NDST3: variants seen among roughly 807,000 people sequenced by gnomAD.
NDST3 encodes bifunctional heparan sulfate N-deacetylase/N-sulfotransferase 3.
A neutral mutation model predicts 96.1 loss-of-function variants in NDST3; 58 were observed. That is an observed-to-expected ratio of 0.60 (90% CI 0.49 to 0.75). The LOEUF is 0.75. NDST3 is among the 30% of genes least tolerant of loss of function. NDST3 has a pLI of 0.00. For missense variants in NDST3, 788 were observed against 1,034.2 expected, an observed-to-expected ratio of 0.76 and a Z score of 3.27; for synonymous variants, 333 against 359.7, an observed-to-expected ratio of 0.93 and a Z score of 0.84.
intron 6 of NDST3, among the ~76,000 whole-genome samples, chr4:118,197,177 G>C (rs541720237): frequency 1.3e-5 from 2 of 151,990 alleles, no homozygotes; most frequent in Admixed American, 6.6e-5. Context: ...TTGATTTCTA[G>C]TTTTATTCCA....
Position 118,257,918 on chromosome 4 carries a change from T to C in NDST3, c.*2206T>C, listed in dbSNP as rs1358621589. ...CTCCACCAACTTAAGAAAACTGGCT[T>C]AGGAAGGTTAAACATGAGAATAGGC... On this transcript the variant is annotated 3_prime_UTR_variant, in exon 14 of 14. Transcript: ENST00000296499. 3.9e-5 allele frequency: 6 copies of C among 152,138 alleles called. No individual in the cohort carries two copies. Among genetic ancestry groups the C allele is most frequent in the Non-Finnish European group, 8.8e-5 (6 of 68,014 alleles). 9.4% of individuals were successfully genotyped at this position (152,138 alleles called of 1,614,324 possible).
At chr4:118,096,603 C>A (rs559088887) in intron 2 of NDST3, among the ~76,000 whole-genome samples, 3 of 151,852 alleles carry the variant, frequency 2.0e-5, no homozygotes, top group Non-Finnish European at 2.9e-5. Flanking sequence ...GACAGATAAT[C>A]TTCTATTGAT....
At position 118,103,887 on chromosome 4, in the gene NDST3, C is replaced by T. The variant is rs138472063; in HGVS notation, c.982-1131C>T. On this transcript the variant is annotated intron_variant, in intron 2 of 13. Coordinates refer to ENST00000296499, the MANE Select transcript of NDST3 (RefSeq NM_004784.3). ...CTAAATTTCAAAAACTTACCATTGG[C>T]TAGATGAGTCTAAATTTGAACCCAG... 2.7e-3 allele frequency among the ~76,000 whole-genome samples: 416 copies of T among 152,288 alleles called. 2 individuals carry two copies. Among genetic ancestry groups the T allele is most frequent in the Non-Finnish European group, 4.4e-3 (297 of 68,016 alleles).
chr4:118,134,008 T>C (rs926813682), intron 4 of NDST3, among the ~76,000 whole-genome samples: 2 of 152,218 alleles, frequency 1.3e-5, no homozygotes. Flanking sequence ...CTGTGTACTA[T>C]GAAAAACCAA....
At chr4:118,105,863 C>T (rs969065646) in intron 3 of NDST3, among the ~76,000 whole-genome samples, 2 of 152,136 alleles carry the variant, frequency 1.3e-5, no homozygotes, top group Admixed American at 1.3e-4. Flanking sequence ...ATGTGGCACA[C>T]TTATAATTAA....
chr4:118,247,755 CT>C (rs113236867), intron 12 of NDST3, among the ~76,000 whole-genome samples: 1 of 151,644 alleles, frequency 6.6e-6, no homozygotes, highest in Non-Finnish European at 1.5e-5. Flanking sequence ...TAAATAATAC[CT>C]TAAAAAAGTT....
At chr4:118,237,936 G>T (rs1163026301) in intron 10 of NDST3, among the ~76,000 whole-genome samples, 1 of 151,926 alleles carries the variant, frequency 6.6e-6, no homozygotes, top group African/African-American at 2.4e-5. Flanking sequence ...TTCAAGACCA[G>T]CCTGGGCAAC....
At chr4:118,078,877 T>C (rs1215865589) in intron 2 of NDST3, among the ~76,000 whole-genome samples, 2 of 152,170 alleles carry the variant, frequency 1.3e-5, no homozygotes, top group African/African-American at 2.4e-5. Flanking sequence ...ACTTACTTCA[T>C]AGCATGAAAG....
intron 6 of NDST3, among the ~76,000 whole-genome samples, chr4:118,146,541 TC>T (rs893155372): frequency 1.3e-4 from 20 of 151,876 alleles, no homozygotes; most frequent in African/African-American, 4.9e-4. Context: ...ACTGGAAAGA[TC>T]ACAGCAAAGG....
chr4:118,075,245 G>GGCT (rs1045122786), intron 2 of NDST3, among the ~76,000 whole-genome samples: 6 of 151,706 alleles, frequency 4.0e-5, no homozygotes, highest in Admixed American at 1.3e-4. Context: ...TATTTTTTAT[G>GGCT]GCATAGTATT....
intron 6 of NDST3, among the ~76,000 whole-genome samples, chr4:118,176,696 T>A (rs973046409): frequency 6.6e-6 from 1 of 152,092 alleles, no homozygotes; most frequent in African/African-American, 2.4e-5. Context: ...TTTATTAAAC[T>A]TCTAATATGA....
intron 2 of NDST3, among the ~76,000 whole-genome samples, chr4:118,092,080 T>C (rs566072383): frequency 1.9e-3 from 95 of 49,250 alleles, no homozygotes; most frequent in Non-Finnish European, 5.6e-3. Flanking sequence ...TTATTTATTA[T>C]ATTTTAAGTT....
At chr4:118,112,001 A>C (rs1166407368) in intron 3 of NDST3, among the ~76,000 whole-genome samples, 1 of 152,198 alleles carries the variant, frequency 6.6e-6, no homozygotes, top group Admixed American at 6.5e-5. Flanking sequence ...AATAAGCAAC[A>C]GACATTTGTT....
At chr4:118,172,882 T>C (rs1478772992) in intron 6 of NDST3, among the ~76,000 whole-genome samples, 1 of 152,130 alleles carries the variant, frequency 6.6e-6, no homozygotes, top group Non-Finnish European at 1.5e-5. Flanking sequence ...TTTCTTCACA[T>C]TTCAAAACAT....
At chr4:118,185,267 C>A (rs1736870199) in intron 6 of NDST3, among the ~76,000 whole-genome samples, 3 of 151,812 alleles carry the variant, frequency 2.0e-5, no homozygotes, top group Admixed American at 2.0e-4. Context: ...TGTGTATATA[C>A]AAACTAAACA....
At chr4:118,200,048 A>G (rs955062958) in intron 6 of NDST3, among the ~76,000 whole-genome samples, 5 of 152,168 alleles carry the variant, frequency 3.3e-5, no homozygotes, top group Non-Finnish European at 5.9e-5. Context: ...CTCTTTGGCT[A>G]CCAGCTATGT....
chr4:118,186,398 A>G (rs191722235), intron 6 of NDST3, among the ~76,000 whole-genome samples: 1 of 152,220 alleles, frequency 6.6e-6, no homozygotes, highest in Non-Finnish European at 1.5e-5. Flanking sequence ...GCACACGATC[A>G]CAAGGTCTCA....
chr4:118,035,411 A>G (rs1724089674), intron 1 of NDST3, among the ~76,000 whole-genome samples: 1 of 150,236 alleles, frequency 6.7e-6, no homozygotes, highest in Non-Finnish European at 1.5e-5. Context: ...GATGTGTGCA[A>G]CTGATCTGGG....
At chr4:118,130,863 T>G (rs1235491869) in intron 4 of NDST3, among the ~76,000 whole-genome samples, 2 of 152,210 alleles carry the variant, frequency 1.3e-5, no homozygotes, top group Non-Finnish European at 2.9e-5. Context: ...TAAAAGTTCT[T>G]TTCCTTCAGC....
Sources: gnomAD v4.1 joint callset for allele counts (sites outside exome capture counted in the v4.1 genomes callset) on GRCh38, gnomAD v4.1.1 for gene constraint, MANE v1.5 for transcripts, NCBI Gene and HGNC (gene_info 2026-07-23, HGNC 2026-07-21) for gene names.